AGFG1: variants seen among roughly 807,000 people sequenced by gnomAD.
AGFG1 encodes ArfGAP with FG repeats 1.
In AGFG1, 10 loss-of-function variants were observed where a neutral mutation model predicts 60.6. The observed-to-expected ratio is 0.16, with a 90% CI of 0.10 to 0.28. The LOEUF is 0.28. Ranked by LOEUF, AGFG1 falls within the 10% of genes least tolerant of loss-of-function variation. The probability of loss-of-function intolerance (pLI) is 1.00; values close to 1 mark genes in which losing one functional copy is unlikely to be tolerated. For synonymous variants in AGFG1, 247 were observed against 242.9 expected, an observed-to-expected ratio of 1.02 and a Z score of -0.16; for missense variants, 537 against 676.5, an observed-to-expected ratio of 0.79 and a Z score of 2.29.
chr2:227,478,001 T>C (rs570838075), intron 1 of AGFG1, among the ~76,000 whole-genome samples: 35 of 152,244 alleles, frequency 2.3e-4, no homozygotes, highest in Non-Finnish European at 4.1e-4. Flanking sequence ...AGCTCCAAAA[T>C]GTGTGTTCTT....
intron 2 of AGFG1, among the ~76,000 whole-genome samples, chr2:227,518,433 T>A (rs927075779): frequency 6.6e-6 from 1 of 152,192 alleles, no homozygotes; most frequent in African/African-American, 2.4e-5. Flanking sequence ...TGTTCCACAT[T>A]GTTACCAACA....
chr2:227,487,044 G>T (rs1690662795), intron 1 of AGFG1, among the ~76,000 whole-genome samples: 1 of 152,198 alleles, frequency 6.6e-6, no homozygotes, highest in African/African-American at 2.4e-5. Context: ...GTTGATGCTG[G>T]TGGGTATCAC....
chr2:227,487,093 T>C (rs1001701390), intron 1 of AGFG1, among the ~76,000 whole-genome samples: 1 of 152,146 alleles, frequency 6.6e-6, no homozygotes. Context: ...TTTAGAAAAA[T>C]GGAAAGAAAG....
chr2:227,544,875 C>G (rs532803917), intron 10 of AGFG1, among the ~76,000 whole-genome samples: 2 of 152,314 alleles, frequency 1.3e-5, no homozygotes, highest in East Asian at 3.9e-4. Context: ...ACCTTTCTCT[C>G]TGGCTGCCCT....
At chr2:227,508,547 G>GGAGGCAA (rs1691395658) in intron 2 of AGFG1, 2 of 458,724 alleles carry the variant, frequency 4.4e-6, no homozygotes. Context: ...TGTGAGGTAG[G>GGAGGCAA]GAGGCAAGAA....
chr2:227,535,040 C>T lies in AGFG1; in HGVS notation c.1205+15C>T, dbSNP rs1191379883. On this transcript the variant is annotated intron_variant, in intron 8 of 12. Transcript: ENST00000310078. ...AATGCTAGCAGGTACCTTGTCTTAG[C>T]TAGCCCTCCTGCTTTGTGTTTTATC... is the stretch of plus-strand genomic sequence containing the variant. 7 of 1,570,228 alleles carry T rather than the reference C, an allele frequency of 4.5e-6. No homozygotes were observed. The highest frequency in any genetic ancestry group is 6.1e-6 in the Non-Finnish European group (7 of 1,155,120).
chr2:227,554,205 T>A (rs1692902919), intron 12 of AGFG1, among the ~76,000 whole-genome samples: 1 of 152,194 alleles, frequency 6.6e-6, no homozygotes, highest in South Asian at 2.1e-4. Flanking sequence ...CTTCTTAGAA[T>A]CTATTACAAG....
intron 1 of AGFG1, among the ~76,000 whole-genome samples, chr2:227,472,989 G>T (rs1690154926): frequency 6.6e-6 from 1 of 151,496 alleles, no homozygotes. Context: ...GGAGGCCGGG[G>T]GGGAGGTCCA....
intron 4 of AGFG1, among the ~76,000 whole-genome samples, chr2:227,524,484 G>C (rs1691925282): frequency 6.6e-6 from 1 of 152,202 alleles, no homozygotes; most frequent in Admixed American, 6.5e-5. Context: ...GGCTGTGACA[G>C]ATCTGTTACT....
intron 10 of AGFG1, among the ~76,000 whole-genome samples, chr2:227,547,383 ATATTTAATAATC>A (rs1223432858): frequency 6.6e-6 from 1 of 152,222 alleles, no homozygotes; most frequent in East Asian, 1.9e-4. Flanking sequence ...GACATCTCTA[ATATTTAATAATC>A]TACAATTGGT....
intron 5 of AGFG1, among the ~76,000 whole-genome samples, chr2:227,527,152 A>G (rs1231103763): frequency 6.6e-6 from 1 of 152,190 alleles, no homozygotes; most frequent in Non-Finnish European, 1.5e-5. Context: ...AGTTGGGACA[A>G]CCTGGGTTCA....
At chr2:227,481,099 C>CTTTT (rs36152184) in intron 1 of AGFG1, among the ~76,000 whole-genome samples, 7 of 75,748 alleles carry the variant, frequency 9.2e-5, no homozygotes, top group African/African-American at 2.1e-4. Context: ...GTGTTTTAGG[C>CTTTT]TTTTTTTTTT....
chr2:227,511,163 C>G (rs1001264972), intron 2 of AGFG1, among the ~76,000 whole-genome samples: 3 of 152,174 alleles, frequency 2.0e-5, no homozygotes, highest in African/African-American at 7.2e-5. Context: ...TTGCCCATCT[C>G]TCTATGTTAT....
chr2:227,510,558 G>GGAGAT (rs1192890368), intron 2 of AGFG1, among the ~76,000 whole-genome samples: 9 of 152,144 alleles, frequency 5.9e-5, no homozygotes, highest in Non-Finnish European at 1.3e-4. Context: ...AGGGGGCTTA[G>GGAGAT]GAGATAGGCA....
At chr2:227,501,394 A>C (rs1001978151) in intron 2 of AGFG1, among the ~76,000 whole-genome samples, 36 of 152,298 alleles carry the variant, frequency 2.4e-4, no homozygotes, top group African/African-American at 7.9e-4. Flanking sequence ...TATATCTATC[A>C]TTAATTAGAA....
At chr2:227,548,678 CTG>C (rs1308863384) in intron 10 of AGFG1, among the ~76,000 whole-genome samples, 2 of 152,210 alleles carry the variant, frequency 1.3e-5, no homozygotes, top group African/African-American at 4.8e-5. Context: ...TGGCTCACGC[CTG>C]TAATCCCAGC....
intron 2 of AGFG1, among the ~76,000 whole-genome samples, chr2:227,492,055 G>A (rs567504778): frequency 1.3e-5 from 2 of 152,178 alleles, no homozygotes; most frequent in South Asian, 2.1e-4. Context: ...TTTAACTTTG[G>A]ACGTGTAGGT....
At chr2:227,493,088 T>G (rs574969609) in intron 2 of AGFG1, among the ~76,000 whole-genome samples, 23 of 152,090 alleles carry the variant, frequency 1.5e-4, no homozygotes, top group Non-Finnish European at 2.8e-4. Flanking sequence ...GAAGTGAAAA[T>G]ATAACAATAT....
At chr2:227,549,128 A>G (rs1191220441) in intron 10 of AGFG1, among the ~76,000 whole-genome samples, 1 of 152,118 alleles carries the variant, frequency 6.6e-6, no homozygotes, top group Non-Finnish European at 1.5e-5. Flanking sequence ...TCTTCACAGC[A>G]GCTTTGTGAA....
Sources: allele counts gnomAD v4.1 joint callset (sites outside exome capture counted in the v4.1 genomes callset), GRCh38; gene constraint gnomAD v4.1.1; transcripts MANE v1.5; gene names NCBI Gene and HGNC (gene_info 2026-07-23, HGNC 2026-07-21).